The following CC2D2A variants were observed in gnomAD, a reference collection of about 807,000 sequenced individuals.
The protein encoded by CC2D2A is coiled-coil and C2 domain containing 2A.
A neutral mutation model predicts 212.9 loss-of-function variants in CC2D2A; 155 were observed. That is an observed-to-expected ratio of 0.73 (90% CI 0.64 to 0.83). The LOEUF (loss-of-function observed/expected upper bound fraction) is 0.83, where lower values mean the gene tolerates loss of function less well. Among genes scored for constraint, CC2D2A ranks in the 40% least tolerant of loss-of-function variants. CC2D2A has a pLI of 0.00. For synonymous variants in CC2D2A, 667 were observed against 686.5 expected (o/e 0.97, Z 0.44); for missense variants, 1,856 against 1,956.2 (o/e 0.95, Z 0.97).
chr4:15,549,043 T>C (rs1385457615), intron 17 of CC2D2A, among the ~76,000 whole-genome samples: 1 of 152,202 alleles, frequency 6.6e-6, no homozygotes, highest in African/African-American at 2.4e-5. Context: ...TTTAAAAATA[T>C]CTATTATAGA....
intron 6 of CC2D2A, among the ~76,000 whole-genome samples, chr4:15,505,391 G>A (rs545214548): frequency 6.6e-6 from 1 of 152,260 alleles, no homozygotes; most frequent in South Asian, 2.1e-4. Flanking sequence ...TTCTCTACAT[G>A]TGGCCCTGGT....
intron 36 of CC2D2A, 137 bp downstream of exon 36, chr4:15,599,843 C>A: frequency 1.8e-6 from 1 of 542,776 alleles, no homozygotes; most frequent in Non-Finnish European, 3.0e-6. Flanking sequence ...AAACTAAAAA[C>A]TGTGATCATA....
intron 31 of CC2D2A, among the ~76,000 whole-genome samples, chr4:15,587,302 G>T (rs1223701729): frequency 6.6e-6 from 1 of 152,196 alleles, no homozygotes; most frequent in African/African-American, 2.4e-5. Context: ...CTCACCTCCT[G>T]CTGTGCAGCC....
At chr4:15,544,866 T>C (rs1718632141) in intron 17 of CC2D2A, among the ~76,000 whole-genome samples, 1 of 152,230 alleles carries the variant, frequency 6.6e-6, no homozygotes, top group Non-Finnish European at 1.5e-5. Flanking sequence ...AATAAATTTT[T>C]AAATAAAAAA....
intron 11 of CC2D2A, among the ~76,000 whole-genome samples, chr4:15,526,656 A>G (rs556336102): frequency 1.2e-3 from 176 of 152,302 alleles, no homozygotes; most frequent in African/African-American, 3.9e-3. Context: ...TGTCTCAACC[A>G]CCATATCCTT....
At chr4:15,504,304 C>G (rs1259774163) in intron 6 of CC2D2A, among the ~76,000 whole-genome samples, 1 of 152,124 alleles carries the variant, frequency 6.6e-6, no homozygotes, top group Non-Finnish European at 1.5e-5. Flanking sequence ...CCCTCATGAT[C>G]CATTCCACTG....
chr4:15,523,614 G>A (rs954782375), intron 11 of CC2D2A, among the ~76,000 whole-genome samples: 1 of 152,178 alleles, frequency 6.6e-6, no homozygotes, highest in Admixed American at 6.5e-5. Context: ...GAACTTAGTG[G>A]CTCAAAAAAC....
intron 2 of CC2D2A, among the ~76,000 whole-genome samples, chr4:15,477,794 T>G (rs974667686): frequency 6.6e-6 from 1 of 152,200 alleles, no homozygotes; most frequent in Non-Finnish European, 1.5e-5. Context: ...CGTCCTCTGT[T>G]ATTGCGGTTC....
Position 15,528,934 on chromosome 4 carries a change from G to A in CC2D2A, c.1466+208G>A, listed in dbSNP as rs1197141827. Among the ~76,000 whole-genome samples the A allele has an allele frequency of 3.3e-5, 5 of 152,342 alleles. 1 individual carries two copies. The Middle Eastern group carries it at 0.01, about 311-fold the overall frequency. On this transcript the variant is annotated intron_variant, in intron 13 of 36. Coordinates refer to ENST00000424120, the MANE Select transcript of CC2D2A (RefSeq NM_001378615.1). Reference sequence around the variant, plus strand: ...GTAAGGAAATGGTCACTCTGCAGGTGTAAGGGAAAAGTGCTACAGCTACCG... The same window carrying A: ...GTAAGGAAATGGTCACTCTGCAGGTATAAGGGAAAAGTGCTACAGCTACCG...
At chr4:15,546,131 A>G (rs1293052976) in intron 17 of CC2D2A, among the ~76,000 whole-genome samples, 1 of 152,032 alleles carries the variant, frequency 6.6e-6, no homozygotes, top group Non-Finnish European at 1.5e-5. Context: ...TGGCCCCAAG[A>G]GAAGGATGAG....
Position 15,553,162 on chromosome 4 carries a change from G to T in CC2D2A, c.2343G>T (p.Val781=). The T allele has an allele frequency of 6.2e-7, 1 of 1,600,360 alleles. No individual in the cohort carries two copies. The change falls in exon 19 of 37, where the codon GTG becomes GTT. Residue 781 remains valine, a synonymous_variant. Transcript: ENST00000424120. ...TTTAATCTGGTGTTTCCCCAGGAGT[G>T]CCCTTCTCATTTGAAGCTGATGGCA... is the stretch of plus-strand genomic sequence containing the variant. ...TLDHEGVGSG[V]PFSFEADGSN...
intron 4 of CC2D2A, among the ~76,000 whole-genome samples, chr4:15,491,098 C>T (rs141339776): frequency 3.9e-5 from 6 of 152,236 alleles, no homozygotes; most frequent in Admixed American, 2.6e-4. Flanking sequence ...GTTTTGTCTG[C>T]GGCTTGTCCT....
chr4:15,585,655 G>A (rs1223764015), intron 30 of CC2D2A, among the ~76,000 whole-genome samples: 1 of 152,172 alleles, frequency 6.6e-6, no homozygotes, highest in Non-Finnish European at 1.5e-5. Context: ...TCACCGCAAA[G>A]AAATGATAAA....
intron 1 of CC2D2A, among the ~76,000 whole-genome samples, chr4:15,472,204 T>C (rs979379259): frequency 1.3e-5 from 2 of 152,170 alleles, no homozygotes; most frequent in Admixed American, 6.5e-5. Context: ...ATTATAACTT[T>C]GGAAAAATCA....
chr4:15,586,756 A>G (rs1200727534), intron 31 of CC2D2A, among the ~76,000 whole-genome samples: 1 of 152,200 alleles, frequency 6.6e-6, no homozygotes, highest in Non-Finnish European at 1.5e-5. Context: ...TCTCTCAAAT[A>G]TATCATAGGT....
At chr4:15,521,761 C>T (rs1021028261) in intron 11 of CC2D2A, among the ~76,000 whole-genome samples, 7 of 152,208 alleles carry the variant, frequency 4.6e-5, no homozygotes, top group African/African-American at 1.2e-4. Context: ...AATGACTTTG[C>T]TGCGTGTATT....
At chr4:15,510,294 T>C in intron 7 of CC2D2A, 54 bp downstream of exon 7, 2 of 1,490,110 alleles carry the variant, frequency 1.3e-6, no homozygotes. Context: ...TTTACAAATA[T>C]CCAATGACAC....
chr4:15,561,463 GC>G (rs1167644066), intron 23 of CC2D2A: 4 of 151,822 alleles, frequency 2.6e-5, no homozygotes, highest in African/African-American at 9.7e-5. Context: ...TCTATTCCAG[GC>G]CCACAGTCCA....
At position 15,476,011 on chromosome 4, in the gene CC2D2A, G is replaced by A; in HGVS notation, c.39+40G>A. On this transcript the variant is annotated intron_variant, in intron 2 of 36. Transcript: ENST00000424120. ...TGATGTCCTCTAGGGATGTGTTTGT[G>A]TGTGCATGCTTATGTTACACGTGTT... 4 of 1,554,618 alleles carry A rather than the reference G, an allele frequency of 2.6e-6. No individual in the cohort carries two copies. In the South Asian group the frequency reaches 4.7e-5, roughly 18 times the overall value.
Sources: gnomAD v4.1 joint callset for allele counts (sites outside exome capture counted in the v4.1 genomes callset) on GRCh38, gnomAD v4.1.1 for gene constraint, MANE v1.5 for transcripts, NCBI Gene and HGNC (gene_info 2026-07-23, HGNC 2026-07-21) for gene names.